SBNO2: variants seen among roughly 807,000 people sequenced by gnomAD.
The protein encoded by SBNO2 is strawberry notch homolog 2.
SBNO2 carries 89 observed loss-of-function variants against 146.3 expected under a neutral mutation model. The ratio of observed to expected loss-of-function variants is 0.61; its 90% confidence interval spans 0.51 to 0.73. The LOEUF is 0.73. SBNO2 is among the 30% of genes least tolerant of loss of function. The pLI, the probability that SBNO2 is intolerant of heterozygous loss-of-function variation, is 0.00. For missense variants in SBNO2, 2,092 were observed against 2,003.7 expected, an observed-to-expected ratio of 1.04 and a Z score of -0.84; for synonymous variants, 1,147 against 892.6, an observed-to-expected ratio of 1.29 and a Z score of -5.08.
intron 2 of SBNO2, among the ~76,000 whole-genome samples, chr19:1,152,665 G>A (rs765552645): frequency 6.6e-6 from 1 of 152,184 alleles, no homozygotes; most frequent in Non-Finnish European, 1.5e-5. Context: ...CCAGCTCAGA[G>A]CCCCCTCTGG....
intron 4 of SBNO2, chr19:1,128,216 C>T (rs1421908060): frequency 2.0e-6 from 1 of 498,310 alleles, no homozygotes; most frequent in Non-Finnish European, 4.0e-6. Flanking sequence ...CTGACTTCTG[C>T]AGCACCTGAA....
chr19:1,160,422 G>A (rs1181059117), intron 1 of SBNO2, among the ~76,000 whole-genome samples: 3 of 152,218 alleles, frequency 2.0e-5, no homozygotes, highest in South Asian at 4.1e-4. Context: ...AATGGCGGCC[G>A]CCTGGCTGCA....
At chr19:1,123,803 A>G in intron 6 of SBNO2, 139 bp downstream of exon 6, 1 of 1,074,638 alleles carries the variant, frequency 9.3e-7, no homozygotes, top group Non-Finnish European at 1.3e-6. Context: ...CAGGGCCTCC[A>G]TCTCCTCAGC....
At chr19:1,122,314 G>A in intron 10 of SBNO2, 32 bp from the exon 11 acceptor site, 1 of 1,537,144 alleles carries the variant, frequency 6.5e-7, no homozygotes, top group Non-Finnish European at 8.8e-7. Flanking sequence ...GTGGAATGGG[G>A]CCCCGGCTCA....
intron 17 of SBNO2, 87 bp from the exon 18 acceptor site, chr19:1,114,509 CA>C (rs1178623335): frequency 8.5e-7 from 1 of 1,181,292 alleles, no homozygotes; most frequent in Non-Finnish European, 1.1e-6. Flanking sequence ...AGAGCAAGGC[CA>C]GTGGTCCGAG....
In SBNO2 at chr19:1,119,119, G is replaced by A. The variant is rs765687021; in HGVS notation, c.1419C>T (p.Ser473=). The A allele has an allele frequency of 2.1e-5, 33 of 1,603,968 alleles. 1 individual carries two copies. Among genetic ancestry groups the A allele is most frequent in the South Asian group, 1.8e-4 (16 of 89,624 alleles). ...TGAGCTGGCGTGCGATGTACATGCC[G>A]CTGACCTTCATGTCCATGGCCACGA... The part of the protein sequence containing the change: ...MEIVAMDMKV[S]GMYIARQLSF... The change falls in exon 14 of 32, where the codon AGC becomes AGT. Residue 473 remains serine (S), a synonymous_variant. Transcript: ENST00000361757.
At chr19:1,165,899 C>T (rs1238372790) in intron 1 of SBNO2, among the ~76,000 whole-genome samples, 2 of 82,058 alleles carry the variant, frequency 2.4e-5, no homozygotes, top group Admixed American at 1.3e-4. Flanking sequence ...CCCCAGATCT[C>T]AGACCCCCAG....
intron 2 of SBNO2, among the ~76,000 whole-genome samples, chr19:1,152,541 C>T (rs931325482): frequency 6.6e-6 from 1 of 152,110 alleles, no homozygotes; most frequent in African/African-American, 2.4e-5. Flanking sequence ...TCGAGCTCCA[C>T]CGGGGCAGCT....
chr19:1,156,771 A>G (rs1404762741), intron 1 of SBNO2, among the ~76,000 whole-genome samples: 1 of 152,002 alleles, frequency 6.6e-6, no homozygotes, highest in Non-Finnish European at 1.5e-5. Flanking sequence ...TCCCACTACT[A>G]TGCACTGTCC....
intron 14 of SBNO2, among the ~76,000 whole-genome samples, chr19:1,118,147 C>T (rs2079855322): frequency 6.6e-6 from 1 of 152,068 alleles, no homozygotes; most frequent in African/African-American, 2.4e-5. Flanking sequence ...ACCAACCAGC[C>T]TGACCAACAT....
chr19:1,167,809 C>T (rs1051203470), intron 1 of SBNO2, among the ~76,000 whole-genome samples: 6 of 152,198 alleles, frequency 3.9e-5, no homozygotes, highest in African/African-American at 4.8e-5. Context: ...GGTCAGGCCG[C>T]GTGCACGGAA....
At chr19:1,172,251 C>A (rs979671035) in intron 1 of SBNO2, among the ~76,000 whole-genome samples, 1 of 152,210 alleles carries the variant, frequency 6.6e-6, no homozygotes, top group East Asian at 1.9e-4. Flanking sequence ...TCTCCCCTGC[C>A]GTGGGAGGCC....
Position 1,171,224 on chromosome 19 carries a change from C to A in SBNO2, c.-127+2948G>T, listed in dbSNP as rs536109206. Among the ~76,000 whole-genome samples the A allele has an allele frequency of 9.2e-3, 1,394 of 152,114 alleles. 6 individuals carry two copies. The highest frequency in any genetic ancestry group is 0.015 in the Non-Finnish European group (1,052 of 67,994). On this transcript the variant is annotated intron_variant, in intron 1 of 31. Coordinates refer to ENST00000361757, the MANE Select transcript of SBNO2 (RefSeq NM_014963.3). ...ACACAGCCACAGGCACGCACATTCA[C>A]ACACACACAACGCACCCACATCCGT...
In SBNO2 at chr19:1,112,953, C is replaced by T; in HGVS notation, c.2248-4G>A. On this transcript the variant is annotated splice_polypyrimidine_tract_variant and splice_region_variant and intron_variant, in intron 19 of 31. Coordinates refer to ENST00000361757, the MANE Select transcript of SBNO2 (RefSeq NM_014963.3). This position sits in a 1 kb window ranked among gnomAD's most constrained non-coding sequence, Gnocchi z 5.9. ...CGCGGCCTTTCCTGCCGGTCATCTG[C>T]AGCCGAGACAGGGACAAAACCGGCC... is the stretch of plus-strand genomic sequence containing the variant. 6.4e-7 allele frequency: 1 copy of T among 1,557,792 alleles called. No individual in the cohort carries two copies. The highest frequency in any genetic ancestry group is 8.7e-7 in the Non-Finnish European group (1 of 1,152,466).
At chr19:1,128,719 C>T (rs117174478) in intron 4 of SBNO2, among the ~76,000 whole-genome samples, 2,338 of 151,046 alleles carry the variant, frequency 0.015, 23 homozygotes, top group Middle Eastern at 0.058. Context: ...GCCTGTAATC[C>T]CAGCACTTGG....
At chr19:1,161,622 G>C (rs1410319316) in intron 1 of SBNO2, among the ~76,000 whole-genome samples, 1 of 151,658 alleles carries the variant, frequency 6.6e-6, no homozygotes, top group Non-Finnish European at 1.5e-5. Context: ...TTTACCTCTT[G>C]GGCCCGATGA....
rs1418440965 is a variant in SBNO2, at chr19:1,112,772, C to T, written c.2379+46G>A. ...CCGGGGACCCTTGGGCCCCTCTGTGCCTCTTGGGTCCCGTGGGCCGCGCCC... is the reference window on the plus strand; with the variant it reads ...CCGGGGACCCTTGGGCCCCTCTGTGTCTCTTGGGTCCCGTGGGCCGCGCCC... On this transcript the variant is annotated intron_variant, in intron 20 of 31. Coordinates refer to ENST00000361757, the MANE Select transcript of SBNO2 (RefSeq NM_014963.3). This position sits in a 1 kb window ranked among gnomAD's most constrained non-coding sequence, Gnocchi z 5.9. The T allele has an allele frequency of 5.2e-6, 8 of 1,524,890 alleles. No homozygotes were observed. The South Asian group carries it at 8.5e-5, about 16-fold the overall frequency. The allele number at this position is 1,524,890 out of a possible 1,614,324, so 94.5% of individuals were successfully genotyped here. A position where few individuals can be genotyped will look rare whatever the true frequency, so the allele number is the denominator to read the frequency against.
chr19:1,117,043 C>T, intron 15 of SBNO2, 117 bp from the exon 16 acceptor site: 2 of 1,030,796 alleles, frequency 1.9e-6, no homozygotes, highest in Non-Finnish European at 1.4e-6. Context: ...GTGCTCGCCT[C>T]CCCAGGAGGG....
intron 2 of SBNO2, among the ~76,000 whole-genome samples, chr19:1,153,812 A>C (rs1377105519): frequency 4.6e-5 from 7 of 152,226 alleles, no homozygotes; most frequent in Non-Finnish European, 1.0e-4. Context: ...TGCTGGGATT[A>C]CAAGCACGAG....
Sources: allele counts gnomAD v4.1 joint callset (sites outside exome capture counted in the v4.1 genomes callset), GRCh38; gene constraint gnomAD v4.1.1; non-coding constraint Gnocchi (gnomAD v3.1); transcripts MANE v1.5; gene names NCBI Gene and HGNC (gene_info 2026-07-23, HGNC 2026-07-21).